Variants in PYGO1 observed in about 807,000 individuals in gnomAD.
PYGO1 encodes pygopus family PHD finger 1, also known as pygopus homolog 1.
In PYGO1, 6 loss-of-function variants were observed where a neutral mutation model predicts 29.5. That is an observed-to-expected ratio of 0.20 (90% CI 0.11 to 0.40). The LOEUF (loss-of-function observed/expected upper bound fraction) is 0.40, where lower values mean the gene tolerates loss of function less well. Ranked by LOEUF, PYGO1 falls within the 10% of genes least tolerant of loss-of-function variation. PYGO1 has a pLI of 1.00. For missense variants in PYGO1, 515 were observed against 514.9 expected (o/e 1.00, Z 0.00); for synonymous variants, 186 against 180.5 (o/e 1.03, Z -0.24).
At chr15:55,588,815 A>G, upstream of PYGO1, 6 of 1,613,730 alleles carry the variant, frequency 3.7e-6, no homozygotes, top group South Asian at 4.4e-5. Flanking sequence ...ATGCGAGGAA[A>G]CTTTGTAAGC....
chr15:55,551,854 C>T (rs2058880188), intron 1 of PYGO1, among the ~76,000 whole-genome samples: 1 of 152,038 alleles, frequency 6.6e-6, no homozygotes, highest in South Asian at 2.1e-4. Flanking sequence ...ACTAGCAAAA[C>T]AAATGCAGCA....
At chr15:55,579,930 A>T (rs2059018893) in intron 1 of PYGO1, among the ~76,000 whole-genome samples, 1 of 152,184 alleles carries the variant, frequency 6.6e-6, no homozygotes, top group Non-Finnish European at 1.5e-5. Flanking sequence ...TTATGGTATT[A>T]ATTTTATATT....
At chr15:55,587,770 C>A in intron 1 of PYGO1, 65 bp downstream of exon 1, 1 of 1,447,900 alleles carries the variant, frequency 6.9e-7, no homozygotes, top group Non-Finnish European at 9.1e-7. Flanking sequence ...TCCCGGCGGC[C>A]GGGCACGGGG....
chr15:55,587,128 A>G (rs567115503), intron 1 of PYGO1, among the ~76,000 whole-genome samples: 1 of 152,272 alleles, frequency 6.6e-6, no homozygotes, highest in South Asian at 2.1e-4. Flanking sequence ...GTGGCATTTG[A>G]CTTTTGTGAA....
At chr15:55,582,700 C>A (rs1595996113) in intron 1 of PYGO1, among the ~76,000 whole-genome samples, 1 of 152,194 alleles carries the variant, frequency 6.6e-6, no homozygotes, top group Non-Finnish European at 1.5e-5. Flanking sequence ...CCACTGTATA[C>A]ACTGGAATAT....
intron 1 of PYGO1, among the ~76,000 whole-genome samples, chr15:55,568,189 G>C (rs1460293108): frequency 6.6e-6 from 1 of 152,160 alleles, no homozygotes; most frequent in African/African-American, 2.4e-5. Flanking sequence ...TAATGAGATT[G>C]ATTCCTTCAA....
chr15:55,560,810 A>T (rs1193288434), intron 1 of PYGO1, among the ~76,000 whole-genome samples: 2 of 152,034 alleles, frequency 1.3e-5, no homozygotes, highest in Non-Finnish European at 2.9e-5. Flanking sequence ...AAAAATACAA[A>T]AATTAGCCAG....
chr15:55,572,373 C>T (rs766362024), intron 1 of PYGO1, among the ~76,000 whole-genome samples: 2 of 152,098 alleles, frequency 1.3e-5, no homozygotes, highest in Non-Finnish European at 2.9e-5. Flanking sequence ...AAACTGGACA[C>T]CTATCTTATA....
intron 1 of PYGO1, among the ~76,000 whole-genome samples, chr15:55,557,386 G>T (rs1171908191): frequency 6.6e-6 from 1 of 152,060 alleles, no homozygotes; most frequent in South Asian, 2.1e-4. Context: ...AGGACCAGAC[G>T]GATTCACAGC....
At position 55,539,681 on chromosome 15, in the gene PYGO1, G is replaced by T. The variant is rs2058820945; in HGVS notation, c.*6342C>A. On this transcript the variant is annotated 3_prime_UTR_variant, in exon 3 of 3. Transcript: ENST00000563719. ...TTGGGCATTCAAGTCAAATATAATA[G>T]GATTATGATACAGTATGGTATCTAG... 6.6e-6 allele frequency: 1 copy of T among 151,846 alleles called. No individual in the cohort carries two copies. Among genetic ancestry groups the T allele is most frequent in the Non-Finnish European group, 1.5e-5 (1 of 67,874 alleles). The allele number at this position is 151,846 out of a possible 1,614,324, so 9.4% of individuals were successfully genotyped here. A position where few individuals can be genotyped will look rare whatever the true frequency, so the allele number is the denominator to read the frequency against.
intron 1 of PYGO1, among the ~76,000 whole-genome samples, chr15:55,556,437 C>T (rs547845387): frequency 6.6e-6 from 1 of 152,060 alleles, no homozygotes; most frequent in Non-Finnish European, 1.5e-5. Flanking sequence ...AAATCAAGTT[C>T]TTCGAAACTA....
At chr15:55,564,017 CAA>C (rs1461676065) in intron 1 of PYGO1, among the ~76,000 whole-genome samples, 1 of 152,098 alleles carries the variant, frequency 6.6e-6, no homozygotes, top group Admixed American at 6.6e-5. Context: ...GGCAGTTCCT[CAA>C]AAAGTAAAAC....
chr15:55,557,973 G>A (rs1291225484), intron 1 of PYGO1, among the ~76,000 whole-genome samples: 2 of 152,024 alleles, frequency 1.3e-5, no homozygotes, highest in African/African-American at 4.8e-5. Flanking sequence ...ATTCAACACA[G>A]CATAGTGTTG....
chr15:55,550,938 G>T (rs191977137), intron 1 of PYGO1, among the ~76,000 whole-genome samples: 85 of 152,312 alleles, frequency 5.6e-4, no homozygotes, highest in African/African-American at 2.0e-3. Flanking sequence ...GTTGTGGAAT[G>T]AAACTGTTCC....
chr15:55,581,184 G>T (rs746166382), intron 1 of PYGO1, among the ~76,000 whole-genome samples: 14 of 152,070 alleles, frequency 9.2e-5, no homozygotes, highest in Non-Finnish European at 2.1e-4. Flanking sequence ...AAAACATCCT[G>T]GGAGATTTCA....
At chr15:55,553,776 G>A (rs1290130025) in intron 1 of PYGO1, among the ~76,000 whole-genome samples, 2 of 152,048 alleles carry the variant, frequency 1.3e-5, no homozygotes, top group Admixed American at 1.3e-4. Context: ...ACTCAAGCCA[G>A]CAATAGGTCA....
At chr15:55,553,936 G>T (rs2058891641) in intron 1 of PYGO1, among the ~76,000 whole-genome samples, 1 of 152,078 alleles carries the variant, frequency 6.6e-6, no homozygotes, top group African/African-American at 2.4e-5. Flanking sequence ...CAGCCCTACA[G>T]AAGTATGGCC....
In PYGO1 at chr15:55,546,823, A is replaced by G; in HGVS notation, c.460T>C (p.Ser154Pro). ...TTATAAGATGGATTACCGAAACTTG[A>G]ATTATCATGTGGCCCAAAGTTAAAA... ...HAFNFGPHDN[S>P]SFGNPSYNNA... Residue 154 changes from serine to proline, a missense_variant, in exon 3 of 3, where the codon TCA becomes CCA. Coordinates refer to ENST00000563719, the MANE Select transcript of PYGO1 (RefSeq NM_001367806.1). The G allele has an allele frequency of 1.2e-6, 2 of 1,614,060 alleles. No homozygotes were observed. Among genetic ancestry groups the G allele is most frequent in the Non-Finnish European group, 1.7e-6 (2 of 1,179,954 alleles).
intron 1 of PYGO1, among the ~76,000 whole-genome samples, chr15:55,562,696 A>C (rs1030282286): frequency 6.6e-6 from 1 of 151,838 alleles, no homozygotes; most frequent in Non-Finnish European, 1.5e-5. Flanking sequence ...AAATCCACAC[A>C]TATGTTCAGT....
Sources: allele counts gnomAD v4.1 joint callset (sites outside exome capture counted in the v4.1 genomes callset), GRCh38; gene constraint gnomAD v4.1.1; transcripts MANE v1.5; gene names NCBI Gene and HGNC (gene_info 2026-07-23, HGNC 2026-07-21).